Variants in BACH2 observed in about 807,000 individuals in gnomAD.
BACH2 encodes transcription regulator protein BACH2.
BACH2 carries 5 observed loss-of-function variants against 61.8 expected under a neutral mutation model. The observed-to-expected ratio is 0.08, with a 90% CI of 0.04 to 0.17. BACH2 has a LOEUF of 0.17. Among genes scored for constraint, BACH2 ranks in the 10% least tolerant of loss-of-function variants. BACH2 has a pLI of 1.00. For synonymous variants in BACH2, 446 were observed against 440.1 expected (o/e 1.01, Z -0.17); for missense variants, 824 against 1,091.1 (o/e 0.76, Z 3.45).
intron 6 of BACH2, among the ~76,000 whole-genome samples, chr6:89,991,559 A>G (rs1341169900): frequency 2.0e-5 from 3 of 152,218 alleles, no homozygotes; most frequent in African/African-American, 7.2e-5. Flanking sequence ...TTTAACCACT[A>G]AATACTTCTG....
chr6:90,092,315 T>TATATATATACAC lies in BACH2; in HGVS notation c.-161-3207_-161-3206insGTGTATATATAT, dbSNP rs142761642. ...AAATATATATATATATATATATATA[T>TATATATATACAC]ACACACACACACATTGCATCACTTG... On this transcript the variant is annotated intron_variant, in intron 4 of 8. Coordinates refer to ENST00000257749, the MANE Select transcript of BACH2 (RefSeq NM_021813.4). Among the ~76,000 whole-genome samples the TATATATATACAC allele has an allele frequency of 2.1e-3, 240 of 112,286 alleles. 3 individuals carry two copies. The highest frequency in any genetic ancestry group is 0.01 in the East Asian group (15 of 1,460). The allele number at this position is 112,286 out of a possible 152,430, so 73.7% of individuals were successfully genotyped here.
At chr6:90,187,854 C>G in intron 4 of BACH2, among the ~76,000 whole-genome samples, 2 of 152,258 alleles carry the variant, frequency 1.3e-5, no homozygotes, top group East Asian at 3.9e-4. Flanking sequence ...TTTTTAAGTA[C>G]ATTTTAGATA....
intron 5 of BACH2, among the ~76,000 whole-genome samples, chr6:90,084,940 T>A (rs1666875844): frequency 6.6e-6 from 1 of 152,094 alleles, no homozygotes; most frequent in African/African-American, 2.4e-5. Context: ...AGGGTAAAGG[T>A]AGTGAAGACG....
At chr6:90,215,867 C>T (rs1016004296) in intron 3 of BACH2, among the ~76,000 whole-genome samples, 3 of 152,184 alleles carry the variant, frequency 2.0e-5, no homozygotes, top group African/African-American at 7.2e-5. Flanking sequence ...GCAGCAGGTC[C>T]AGGCAGTTAC....
At chr6:90,127,715 C>T (rs1783914013) in intron 4 of BACH2, among the ~76,000 whole-genome samples, 1 of 152,144 alleles carries the variant, frequency 6.6e-6, no homozygotes, top group Non-Finnish European at 1.5e-5. Context: ...AGTATTTGGC[C>T]TCATGTGGAA....
At chr6:90,283,917 G>A (rs1180956990) in intron 1 of BACH2, among the ~76,000 whole-genome samples, 1 of 152,036 alleles carries the variant, frequency 6.6e-6, no homozygotes, top group Non-Finnish European at 1.5e-5. Flanking sequence ...TGAGCCAGGA[G>A]GATCACTTGA....
intron 6 of BACH2, among the ~76,000 whole-genome samples, chr6:89,980,570 CA>C (rs887912843): frequency 4.6e-5 from 7 of 152,216 alleles, no homozygotes; most frequent in Non-Finnish European, 8.8e-5. Flanking sequence ...TGACCTGGTA[CA>C]GTGCCTCAGT....
intron 4 of BACH2, among the ~76,000 whole-genome samples, chr6:90,184,636 G>C (rs1188833838): frequency 6.6e-6 from 1 of 152,218 alleles, no homozygotes; most frequent in Non-Finnish European, 1.5e-5. Context: ...GGATGATGAG[G>C]CAACTCTTCC....
chr6:90,054,451 G>A (rs1035577969), intron 5 of BACH2, among the ~76,000 whole-genome samples: 60 of 152,336 alleles, frequency 3.9e-4, no homozygotes, highest in Non-Finnish European at 1.6e-4. Context: ...TTAGTTGTTT[G>A]ATTAGGTAAA....
At chr6:90,150,783 A>C (rs1472508764) in intron 4 of BACH2, among the ~76,000 whole-genome samples, 1 of 152,190 alleles carries the variant, frequency 6.6e-6, no homozygotes, top group Non-Finnish European at 1.5e-5. Flanking sequence ...CCCACCATGC[A>C]TGGTCAATGG....
chr6:90,134,558 G>T (rs1784210361), intron 4 of BACH2, among the ~76,000 whole-genome samples: 1 of 152,194 alleles, frequency 6.6e-6, no homozygotes, highest in Non-Finnish European at 1.5e-5. Flanking sequence ...GTGGTCAGGG[G>T]CCTATGGGCA....
chr6:90,292,968 T>C (rs1022835084), intron 1 of BACH2, among the ~76,000 whole-genome samples: 5 of 152,336 alleles, frequency 3.3e-5, no homozygotes, highest in African/African-American at 9.6e-5. Flanking sequence ...AGGGGCGGCC[T>C]GCCACTCCAC....
intron 6 of BACH2, among the ~76,000 whole-genome samples, chr6:89,967,362 T>C (rs1775100484): frequency 6.6e-6 from 1 of 152,234 alleles, no homozygotes; most frequent in Non-Finnish European, 1.5e-5. Flanking sequence ...TTTTTCTGGG[T>C]GAATCAAACT....
At chr6:90,135,907 C>T (rs987202414) in intron 4 of BACH2, among the ~76,000 whole-genome samples, 14 of 152,210 alleles carry the variant, frequency 9.2e-5, no homozygotes, top group African/African-American at 3.1e-4. Context: ...TTTCCACTGC[C>T]GCCAGGTCTG....
chr6:90,090,719 G>A (rs17767336), intron 4 of BACH2, among the ~76,000 whole-genome samples: 21,056 of 152,078 alleles, frequency 0.14, 1,920 homozygotes, highest in Non-Finnish European at 0.19. Context: ...GTCTCCACAT[G>A]GAAAAGCATG....
intron 5 of BACH2, among the ~76,000 whole-genome samples, chr6:90,061,145 T>C (rs1428633625): frequency 6.6e-6 from 1 of 152,196 alleles, no homozygotes; most frequent in Non-Finnish European, 1.5e-5. Flanking sequence ...AAGAATGAAC[T>C]GCAGGGAGGC....
chr6:90,164,928 C>T (rs1290928308), intron 4 of BACH2, among the ~76,000 whole-genome samples: 11 of 152,108 alleles, frequency 7.2e-5, no homozygotes, highest in Non-Finnish European at 2.9e-5. Flanking sequence ...ATAATAAGAG[C>T]TATTTATGAC....
Position 89,927,245 on chromosome 6 carries a change from A to T in BACH2, c.*5163T>A, listed in dbSNP as rs1772400920. On this transcript the variant is annotated 3_prime_UTR_variant, in exon 9 of 9. Transcript: ENST00000257749. Reference sequence around the variant, plus strand: ...TGGAATCTTCCTGATCACTCACTAGAGGTGCCATGTCTTTATGTCAGAGCG... The same window carrying T: ...TGGAATCTTCCTGATCACTCACTAGTGGTGCCATGTCTTTATGTCAGAGCG... 6.5e-6 allele frequency: 1 copy of T among 152,752 alleles called. No individual in the cohort carries two copies. The highest frequency in any genetic ancestry group is 6.5e-5 in the Admixed American group (1 of 15,284). 9.5% of individuals were successfully genotyped at this position (152,752 alleles called of 1,614,324 possible).
intron 2 of BACH2, among the ~76,000 whole-genome samples, chr6:90,264,228 A>G (rs1277479069): frequency 6.6e-6 from 1 of 152,110 alleles, no homozygotes; most frequent in Non-Finnish European, 1.5e-5. Context: ...GACTTACTTT[A>G]TAACAGGATT....
Sources: gnomAD v4.1 joint callset for allele counts (sites outside exome capture counted in the v4.1 genomes callset) on GRCh38, gnomAD v4.1.1 for gene constraint, MANE v1.5 for transcripts, NCBI Gene and HGNC (gene_info 2026-07-23, HGNC 2026-07-21) for gene names.